AEBP2: variants seen among roughly 807,000 people sequenced by gnomAD.
AEBP2 encodes the protein zinc finger protein AEBP2.
A neutral mutation model predicts 50.8 loss-of-function variants in AEBP2; 10 were observed. The observed-to-expected ratio is 0.20, with a 90% CI of 0.12 to 0.33. The LOEUF is 0.33. Ranked by LOEUF, AEBP2 falls within the 10% of genes least tolerant of loss-of-function variation. The pLI is 1.00. For synonymous variants in AEBP2, 296 were observed against 261.3 expected (o/e 1.13, Z -1.28); for missense variants, 570 against 688.0 (o/e 0.83, Z 1.92).
chr12:19,405,925 C>A (rs781390674), intron 1 of AEBP2, among the ~76,000 whole-genome samples: 1 of 151,748 alleles, frequency 6.6e-6, no homozygotes, highest in East Asian at 1.9e-4. Context: ...TGTCAGCCTC[C>A]GGAGTAGCTG....
rs1482235977 is a variant in AEBP2 at position 19,473,836 on chromosome 12, A to G, written c.987+481A>G. On this transcript the variant is annotated intron_variant, in intron 3 of 7. Coordinates refer to ENST00000266508, the MANE Select transcript of AEBP2 (RefSeq NM_153207.5). ...TACACGCATTGAATTTCAAAAGTAG[A>G]TGGAGATAAAGCTCATTTGATCAAT... Among the ~76,000 whole-genome samples the G allele has an allele frequency of 2.6e-5, 4 of 152,342 alleles. No individual in the cohort carries two copies. The South Asian group carries it at 6.2e-4, about 24-fold the overall frequency.
At chr12:19,508,250 G>A (rs1297273438) in intron 5 of AEBP2, among the ~76,000 whole-genome samples, 11 of 152,078 alleles carry the variant, frequency 7.2e-5, no homozygotes, top group Admixed American at 7.2e-4. Flanking sequence ...AACTAGAAAC[G>A]GGGATTCACC....
intron 3 of AEBP2, among the ~76,000 whole-genome samples, chr12:19,482,578 G>A (rs976041934): frequency 2.0e-5 from 3 of 152,210 alleles, no homozygotes; most frequent in African/African-American, 4.8e-5. Context: ...ACCAGTTGCA[G>A]TAGTAGTTAA....
intron 1 of AEBP2, among the ~76,000 whole-genome samples, chr12:19,441,484 A>G (rs1192212255): frequency 4.6e-5 from 7 of 152,204 alleles, no homozygotes. Flanking sequence ...AAAGTATAGC[A>G]ATGGAAATTT....
At chr12:19,515,177 A>G (rs1214134684) in intron 7 of AEBP2, among the ~76,000 whole-genome samples, 1 of 152,104 alleles carries the variant, frequency 6.6e-6, no homozygotes, top group Non-Finnish European at 1.5e-5. Flanking sequence ...CCCTTTCTCC[A>G]AACTTTCCAA....
upstream of AEBP2, among the ~76,000 whole-genome samples, chr12:19,434,716 A>C (rs2095753305): frequency 6.6e-6 from 1 of 152,136 alleles, no homozygotes; most frequent in Admixed American, 6.5e-5. Flanking sequence ...CAGTTATTTA[A>C]ATTTTGAGAG....
At chr12:19,469,661 C>T in intron 2 of AEBP2, among the ~76,000 whole-genome samples, 1 of 152,134 alleles carries the variant, frequency 6.6e-6, no homozygotes, top group East Asian at 1.9e-4. Flanking sequence ...GTTGCCCATA[C>T]TGGTTTGAAA....
intron 1 of AEBP2, among the ~76,000 whole-genome samples, chr12:19,429,875 T>G (rs1235491833): frequency 6.6e-6 from 1 of 152,182 alleles, no homozygotes; most frequent in Non-Finnish European, 1.5e-5. Context: ...TTCTGAATAT[T>G]AGCCCTTTGT....
chr12:19,477,862 G>C (rs191603380), intron 3 of AEBP2, among the ~76,000 whole-genome samples: 1 of 152,144 alleles, frequency 6.6e-6, no homozygotes, highest in African/African-American at 2.4e-5. Context: ...ATTGGCACCA[G>C]TTTTTCTTTG....
At chr12:19,481,814 T>C (rs1948734207) in intron 3 of AEBP2, among the ~76,000 whole-genome samples, 1 of 152,206 alleles carries the variant, frequency 6.6e-6, no homozygotes, top group Non-Finnish European at 1.5e-5. Context: ...GTGTGACTTT[T>C]ATTTCTAGAA....
At chr12:19,494,054 A>C in intron 4 of AEBP2, 68 bp downstream of exon 4, 8 of 1,437,474 alleles carry the variant, frequency 5.6e-6, no homozygotes, top group Non-Finnish European at 7.5e-6. Flanking sequence ...CTTTTATGCA[A>C]ATCCACTTTG....
chr12:19,506,124 C>T (rs1949153462), intron 5 of AEBP2, among the ~76,000 whole-genome samples: 4 of 150,498 alleles, frequency 2.7e-5, no homozygotes, highest in Admixed American at 1.3e-4. Context: ...TGAGACAGAG[C>T]CTTGCTGTGT....
chr12:19,489,990 C>CTTT (rs71067029), intron 3 of AEBP2, among the ~76,000 whole-genome samples: 560 of 47,658 alleles, frequency 0.012, 76 homozygotes, highest in African/African-American at 0.028. Context: ...TTAAAATAAA[C>CTTT]TTTTTTTTTT....
intron 3 of AEBP2, among the ~76,000 whole-genome samples, chr12:19,477,923 G>T (rs760640689): frequency 5.3e-5 from 8 of 152,086 alleles, no homozygotes; most frequent in Admixed American, 1.3e-4. Flanking sequence ...GAAGGGTCGT[G>T]TATTTCCCAG....
At chr12:19,492,677 G>C (rs1286095541) in intron 3 of AEBP2, among the ~76,000 whole-genome samples, 1 of 152,138 alleles carries the variant, frequency 6.6e-6, no homozygotes, top group Admixed American at 6.5e-5. Flanking sequence ...TTATAAGAAA[G>C]TAATTTACAA....
In AEBP2 at chr12:19,439,854, A is replaced by G; in HGVS notation, c.155A>G (p.Glu52Gly). ...EEEEEEEAEA[E>G]AVAALLLNGG... ...GAGGAGGAAGAGGAGGCGGAGGCCG[A>G]GGCGGTGGCGGCGCTGCTGCTGAAC... Residue 52 changes from glutamate (E) to glycine (G), a missense_variant, in exon 1 of 8, where the codon GAG (glutamate) becomes GGG (glycine). By Grantham distance (98) the Glu-to-Gly change is moderately conservative (BLOSUM62 -2). This residue lies in a region of AEBP2 where 386 missense variants were observed against 336.8 expected (regional missense o/e 1.15). Coordinates refer to ENST00000266508, the MANE Select transcript of AEBP2 (RefSeq NM_153207.5). The G allele has an allele frequency of 1.3e-6, 2 of 1,487,332 alleles. No homozygotes were observed. Among genetic ancestry groups the G allele is most frequent in the Non-Finnish European group, 1.8e-6 (2 of 1,128,092 alleles). The allele number at this position is 1,487,332 out of a possible 1,614,324, so 92.1% of individuals were successfully genotyped here. A position where few individuals can be genotyped will look rare whatever the true frequency, so the allele number is the denominator to read the frequency against.
intron 1 of AEBP2, among the ~76,000 whole-genome samples, chr12:19,407,812 G>T (rs2095737124): frequency 6.6e-6 from 1 of 152,022 alleles, no homozygotes; most frequent in African/African-American, 2.4e-5. Context: ...ACTTTGGGAG[G>T]CCGAGGCGGG....
chr12:19,518,142 A>C lies in AEBP2; in HGVS notation c.*25A>C. ...AAAAATAAATAAATACATAAAAAGC[A>C]AACAAGCGGGGACACCTGCAGTCTT... On this transcript the variant is annotated 3_prime_UTR_variant, in exon 8 of 8. Transcript: ENST00000266508. The C allele has an allele frequency of 1.3e-6, 2 of 1,587,784 alleles. No individual in the cohort carries two copies. Among genetic ancestry groups the C allele is most frequent in the Non-Finnish European group, 1.7e-6 (2 of 1,166,578 alleles).
intron 3 of AEBP2, among the ~76,000 whole-genome samples, chr12:19,488,115 G>A (rs1235627638): frequency 6.9e-6 from 1 of 145,252 alleles, no homozygotes; most frequent in Non-Finnish European, 1.5e-5. Flanking sequence ...ACTGAGGCAA[G>A]AACAGATTAA....
Sources: gnomAD v4.1 joint callset for allele counts (sites outside exome capture counted in the v4.1 genomes callset) on GRCh38, gnomAD v4.1.1 for gene constraint, gnomAD v4.1.1 regional missense constraint, MANE v1.5 for transcripts, NCBI Gene and HGNC (gene_info 2026-07-23, HGNC 2026-07-21) for gene names.